TMEM67: variants seen among roughly 807,000 people sequenced by gnomAD.
TMEM67 encodes the protein transmembrane protein 67, also known as meckelin.
Under a neutral mutation model 136.6 loss-of-function variants are expected in TMEM67, and 124 were observed. The ratio of observed to expected loss-of-function variants is 0.91; its 90% CI spans 0.78 to 1.05. TMEM67 has a LOEUF of 1.05. Ranked by LOEUF, TMEM67 falls within the 50% of genes least tolerant of loss-of-function variation. The pLI is 0.00. For missense variants in TMEM67, 1,107 were observed against 1,178.4 expected (o/e 0.94, Z 0.89); for synonymous variants, 364 against 390.5 (o/e 0.93, Z 0.80).
At chr8:93,811,752 A>T (rs1808709429) in intron 26 of TMEM67, among the ~76,000 whole-genome samples, 1 of 152,112 alleles carries the variant, frequency 6.6e-6, no homozygotes, top group Non-Finnish European at 1.5e-5. Context: ...GAGATGCATG[A>T]TCAAAATGAT....
chr8:93,829,382 CTGTG>C, the TMEM67 span, among the ~76,000 whole-genome samples: 722 of 137,580 alleles, frequency 5.2e-3, 2 homozygotes, highest in Middle Eastern at 0.033. Context: ...CTCTCTCTCT[CTGTG>C]TGTGTGTGTG....
In TMEM67 at chr8:93,809,179, T is replaced by G. The variant is rs1223777360; in HGVS notation, c.2661+18T>G. 2.2e-6 allele frequency: 3 copies of G among 1,357,806 alleles called. No individual in the cohort carries two copies. The highest frequency in any genetic ancestry group is 3.2e-6 in the Non-Finnish European group (3 of 948,210). 84.1% of individuals were successfully genotyped at this position (1,357,806 alleles called of 1,614,324 possible). ...TTGACCATGTATGTATGTCAACATT[T>G]ATATTTAAGCTGGGATCAAATGCAA... is the stretch of plus-strand genomic sequence containing the variant. On this transcript the variant is annotated intron_variant, in intron 25 of 27. Transcript: ENST00000453321.
intron 12 of TMEM67, 64 bp downstream of exon 12, chr8:93,785,442 T>A: frequency 1.3e-6 from 2 of 1,494,908 alleles, no homozygotes; most frequent in Non-Finnish European, 1.9e-6. Flanking sequence ...TTAACCTACA[T>A]GATAATTTAA....
downstream of TMEM67, among the ~76,000 whole-genome samples, chr8:93,822,582 C>T (rs933892980): frequency 1.8e-4 from 28 of 152,284 alleles, no homozygotes; most frequent in Admixed American, 1.7e-3. Context: ...GCTCACAGGA[C>T]GGCGGAGGCA....
intron 3 of TMEM67, chr8:93,761,860 G>A (rs1812853869): frequency 6.6e-6 from 1 of 152,180 alleles, no homozygotes; most frequent in Admixed American, 6.5e-5. Context: ...ATATGCACAG[G>A]TTATTTCTGA....
chr8:93,769,912 AC>A (rs1813258038), intron 6 of TMEM67, among the ~76,000 whole-genome samples: 2 of 152,346 alleles, frequency 1.3e-5, no homozygotes, highest in South Asian at 4.1e-4. Context: ...TTCTTAGAGA[AC>A]AAAATTGGTA....
chr8:93,785,171 G>A, intron 11 of TMEM67, 51 bp from the exon 12 acceptor site: 1 of 1,028,466 alleles, frequency 9.7e-7, no homozygotes, highest in South Asian at 1.3e-5. Context: ...TTACTTTTTA[G>A]TACTTTAAGT....
At chr8:93,755,981 A>G (rs1812556831) in intron 2 of TMEM67, 115 bp downstream of exon 2, 1 of 624,680 alleles carries the variant, frequency 1.6e-6, no homozygotes. Context: ...TAAAATTACT[A>G]TGCTAATTTT....
In TMEM67 at chr8:93,804,583, TA is replaced by T. The variant is rs200637561; in HGVS notation, c.2323-165del. On this transcript the variant is annotated intron_variant, in intron 22 of 27. Transcript: ENST00000453321. ...ATCTTCAATCTCTTTTTCAAACATTTAAAAAAAAAAAAAACACAAACCTTAT... is the reference window on the plus strand; with the variant it reads ...ATCTTCAATCTCTTTTTCAAACATTTAAAAAAAAAAAAACACAAACCTTAT... Among the ~76,000 whole-genome samples the T allele has an allele frequency of 8.3e-3, 1,139 of 137,692 alleles. 10 individuals are homozygous for T. Among genetic ancestry groups the T allele is most frequent in the Middle Eastern group, 0.034 (9 of 268 alleles). The allele number at this position is 137,692 out of a possible 152,430, so 90.3% of individuals were successfully genotyped here.
chr8:93,765,615 G>A lies in TMEM67; in HGVS notation c.620G>A (p.Arg207His), dbSNP rs1170517628. 5.6e-6 allele frequency: 9 copies of A among 1,613,036 alleles called. No individual in the cohort carries two copies. The highest frequency in any genetic ancestry group is 4.4e-5 in the South Asian group (4 of 91,072). ...AGCAGCACAGGGAATTTTCCTCTACGTAGAATTTCAGCTGCACGTTATGGA... is the reference window on the plus strand; with the variant it reads ...AGCAGCACAGGGAATTTTCCTCTACATAGAATTTCAGCTGCACGTTATGGA... ...CFSSTGNFPL[R>H]RISAARYGEV... Residue 207 changes from arginine to histidine, a missense_variant, in exon 6 of 28, where the codon CGT becomes CAT. Arg to His is a conservative substitution (Grantham distance 29). Transcript: ENST00000453321.
the TMEM67 span, among the ~76,000 whole-genome samples, chr8:93,827,855 C>T: frequency 6.6e-6 from 1 of 151,656 alleles, no homozygotes; most frequent in African/African-American, 2.4e-5. Flanking sequence ...TCATGGTGGC[C>T]AATGAGAGGC....
In TMEM67 at chr8:93,809,127, T is replaced by C. The variant is rs528989414; in HGVS notation, c.2627T>C (p.Met876Thr). ...GAGCAGAGTATAAAAGCATATCATA[T>C]GATGAATAAATTTCTTGGCTCCTTC... is the stretch of plus-strand genomic sequence containing the variant. The part of the protein sequence containing the change: ...TFEQSIKAYH[M>T]MNKFLGSFID... The change falls in exon 25 of 28, where the codon ATG (methionine) becomes ACG (threonine). Residue 876 changes from methionine to threonine, a missense_variant. Physicochemically the swap from Met to Thr is moderately conservative, Grantham distance 81 (BLOSUM62 -1). Transcript: ENST00000453321. 17 of 1,608,300 alleles carry C rather than the reference T, an allele frequency of 1.1e-5. No individual in the cohort carries two copies. Among genetic ancestry groups the C allele is most frequent in the African/African-American group, 6.7e-5 (5 of 74,952 alleles).
chr8:93,773,524 C>T (rs1470839893), intron 7 of TMEM67, among the ~76,000 whole-genome samples: 1 of 152,076 alleles, frequency 6.6e-6, no homozygotes, highest in Non-Finnish European at 1.5e-5. Flanking sequence ...GGTGGTCCTG[C>T]AGAAATGAGA....
chr8:93,782,291 A>T (rs1424553133), intron 10 of TMEM67, 104 bp from the exon 11 acceptor site: 11 of 810,330 alleles, frequency 1.4e-5, no homozygotes, highest in Middle Eastern at 5.2e-4. Flanking sequence ...GATACATTAA[A>T]TAAGTATTAT....
intron 4 of TMEM67, among the ~76,000 whole-genome samples, chr8:93,764,776 A>T (rs938846247): frequency 1.3e-5 from 2 of 152,072 alleles, no homozygotes; most frequent in Non-Finnish European, 2.9e-5. Context: ...CCCCAAGCCT[A>T]GTGTGTTTTA....
In TMEM67 at chr8:93,791,337, T is replaced by A. The variant is rs745689701; in HGVS notation, c.1575+18T>A. ...AGACAGATGTAAGTTTATTTTAACC[T>A]TTTAAAATATATACAGTGTATTTTA... is the stretch of plus-strand genomic sequence containing the variant. On this transcript the variant is annotated intron_variant, in intron 15 of 27. Transcript: ENST00000453321. 4.6e-6 allele frequency: 7 copies of A among 1,510,026 alleles called. No homozygotes were observed. Among genetic ancestry groups the A allele is most frequent in the Non-Finnish European group, 6.4e-6 (7 of 1,088,038 alleles). The allele number at this position is 1,510,026 out of a possible 1,614,324, so 93.5% of individuals were successfully genotyped here. A position where few individuals can be genotyped will look rare whatever the true frequency, so the allele number is the denominator to read the frequency against.
intron 6 of TMEM67, among the ~76,000 whole-genome samples, chr8:93,766,530 T>G (rs578150707): frequency 5.9e-5 from 9 of 152,266 alleles, no homozygotes; most frequent in African/African-American, 1.9e-4. Flanking sequence ...GTAGATGAAT[T>G]GGAACTAAAG....
chr8:93,825,442 T>C, the TMEM67 span, among the ~76,000 whole-genome samples: 4 of 152,254 alleles, frequency 2.6e-5, no homozygotes, highest in African/African-American at 9.6e-5. Flanking sequence ...TCACACCTTA[T>C]TCATGGTATT....
chr8:93,763,356 C>T (rs1486118559), intron 3 of TMEM67, among the ~76,000 whole-genome samples: 1 of 152,130 alleles, frequency 6.6e-6, no homozygotes, highest in Non-Finnish European at 1.5e-5. Flanking sequence ...TATACATGTT[C>T]AAGTGTTTCT....
Sources: allele counts gnomAD v4.1 joint callset (sites outside exome capture counted in the v4.1 genomes callset), GRCh38; gene constraint gnomAD v4.1.1; transcripts MANE v1.5; gene names NCBI Gene and HGNC (gene_info 2026-07-23, HGNC 2026-07-21).